Variants in NIN observed in about 807,000 individuals in gnomAD.
NIN encodes glycogen synthase kinase 3 beta-interacting protein.
NIN carries 137 observed loss-of-function variants against 257.6 expected under a neutral mutation model. The ratio of observed to expected loss-of-function variants is 0.53; its 90% CI spans 0.46 to 0.61. The LOEUF is 0.61. Among genes scored for constraint, NIN ranks in the 20% least tolerant of loss-of-function variants. The probability of loss-of-function intolerance (pLI) is 0.00; values close to 1 mark genes in which losing one functional copy is unlikely to be tolerated. For missense variants in NIN, 2,439 were observed against 2,501.2 expected, an observed-to-expected ratio of 0.98 and a Z score of 0.53; for synonymous variants, 918 against 919.8, an observed-to-expected ratio of 1.00 and a Z score of 0.04.
At chr14:50,773,321 G>A (rs2042803106) in intron 7 of NIN, among the ~76,000 whole-genome samples, 2 of 152,114 alleles carry the variant, frequency 1.3e-5, no homozygotes, top group South Asian at 2.1e-4. Flanking sequence ...ATAATCTTAT[G>A]CAATTTAGCA....
chr14:50,740,891 T>C (rs1221252429), intron 25 of NIN, among the ~76,000 whole-genome samples: 1 of 152,226 alleles, frequency 6.6e-6, no homozygotes, highest in Non-Finnish European at 1.5e-5. Flanking sequence ...ATCTATAACA[T>C]TGTTCTTAAT....
intron 15 of NIN, among the ~76,000 whole-genome samples, chr14:50,763,072 CA>C (rs1444609012): frequency 6.6e-6 from 1 of 152,134 alleles, no homozygotes; most frequent in African/African-American, 2.4e-5. Flanking sequence ...CCTCCTTCCC[CA>C]ATCTGTTAAT....
intron 30 of NIN, chr14:50,723,959 C>T: frequency 3.0e-6 from 1 of 336,262 alleles, no homozygotes; most frequent in Non-Finnish European, 5.4e-6. Flanking sequence ...CCTAAATAGG[C>T]ATTATTTCTG....
chr14:50,737,652 T>G (rs891753885), intron 27 of NIN, among the ~76,000 whole-genome samples: 3 of 150,006 alleles, frequency 2.0e-5, no homozygotes, highest in African/African-American at 7.4e-5. Context: ...TGTTGTTTTT[T>G]TTTTTTTTTT....
At chr14:50,810,610 G>A (rs1210156578) in intron 3 of NIN, among the ~76,000 whole-genome samples, 1 of 152,114 alleles carries the variant, frequency 6.6e-6, no homozygotes, top group East Asian at 1.9e-4. Flanking sequence ...CAAAAATAAA[G>A]TATAATACTT....
At chr14:50,824,073 G>C (rs2142496494) in intron 2 of NIN, among the ~76,000 whole-genome samples, 1 of 152,200 alleles carries the variant, frequency 6.6e-6, no homozygotes, top group Non-Finnish European at 1.5e-5. Context: ...CAGTCCCCTG[G>C]GCTGTTATCT....
At chr14:50,782,563 C>A (rs2043177253) in intron 5 of NIN, among the ~76,000 whole-genome samples, 2 of 152,086 alleles carry the variant, frequency 1.3e-5, no homozygotes, top group African/African-American at 4.8e-5. Flanking sequence ...TAGACAAAGG[C>A]TGGAAGGAAA....
intron 27 of NIN, among the ~76,000 whole-genome samples, chr14:50,737,388 T>C (rs1007326663): frequency 2.7e-5 from 4 of 149,990 alleles, no homozygotes; most frequent in African/African-American, 9.8e-5. Flanking sequence ...GGCCAACATG[T>C]AGACTGCATC....
chr14:50,767,733 T>C (rs1039440370), intron 12 of NIN, among the ~76,000 whole-genome samples: 27 of 150,382 alleles, frequency 1.8e-4, no homozygotes, highest in South Asian at 6.3e-4. Flanking sequence ...GGGAGAATGG[T>C]GTGAACCCGG....
rs779410544 is a variant in NIN at position 50,763,814 on chromosome 14, G to A, written c.1774+12C>T. The A allele has an allele frequency of 2.1e-5, 34 of 1,612,338 alleles. No homozygotes were observed. The highest frequency in any genetic ancestry group is 1.7e-5 in the Admixed American group (1 of 59,934). On this transcript the variant is annotated intron_variant, in intron 15 of 30. Coordinates refer to ENST00000530997, the MANE Select transcript of NIN (RefSeq NM_020921.4). ...TAAAGGCTTTATCTACAGCCTGTCC[G>A]AATGTGTTTACCGTGTTCGGGCTCA...
chr14:50,757,922 G>A lies in NIN; in HGVS notation c.3108C>T (p.Cys1036=), dbSNP rs1216560470. ...TSPLSMLQSG[C]QVIGEEEVEG... ...CCACCTCCTCCTCTCCTATCACCTG[G>A]CAACCACTCTGAAGCATTGAGAGAG... Residue 1036 remains cysteine (C), a synonymous_variant, in exon 18 of 31, where the codon TGC becomes TGT. Transcript: ENST00000530997. 6.2e-7 allele frequency: 1 copy of A among 1,613,946 alleles called. No homozygotes were observed. The highest frequency in any genetic ancestry group is 8.5e-7 in the Non-Finnish European group (1 of 1,180,018).
intron 21 of NIN, among the ~76,000 whole-genome samples, chr14:50,752,083 G>T (rs1385203795): frequency 2.7e-5 from 4 of 150,602 alleles, no homozygotes; most frequent in Non-Finnish European, 5.9e-5. Flanking sequence ...CGGTTTTTGA[G>T]TTACAGTTAA....
At chr14:50,781,620 G>C (rs1193011580) in intron 5 of NIN, among the ~76,000 whole-genome samples, 1 of 152,216 alleles carries the variant, frequency 6.6e-6, no homozygotes, top group Non-Finnish European at 1.5e-5. Context: ...GGAGGCCACT[G>C]CATAGACTTA....
At chr14:50,731,450 G>C (rs2040693160) in intron 28 of NIN, among the ~76,000 whole-genome samples, 1 of 147,598 alleles carries the variant, frequency 6.8e-6, no homozygotes, top group African/African-American at 2.5e-5. Flanking sequence ...AGAATTGCTT[G>C]AACCTGGGAG....
chr14:50,811,597 C>G (rs2044616418), intron 3 of NIN, among the ~76,000 whole-genome samples: 1 of 113,072 alleles, frequency 8.8e-6, no homozygotes, highest in Admixed American at 1.1e-4. Context: ...GGCAAAAGAT[C>G]CAGGTATTAA....
chr14:50,768,232 G>C (rs551568601), intron 12 of NIN, among the ~76,000 whole-genome samples: 39 of 151,666 alleles, frequency 2.6e-4, no homozygotes, highest in Non-Finnish European at 4.9e-4. Flanking sequence ...CCCTCATACA[G>C]CAATATAAGT....
chr14:50,736,115 T>C (rs1227299415), intron 27 of NIN, among the ~76,000 whole-genome samples: 2 of 152,242 alleles, frequency 1.3e-5, no homozygotes, highest in East Asian at 3.9e-4. Flanking sequence ...ATATAACTTT[T>C]TAATTTTAAA....
intron 22 of NIN, among the ~76,000 whole-genome samples, 189 bp downstream of exon 22, chr14:50,747,803 G>C (rs2041616902): frequency 6.6e-6 from 1 of 151,916 alleles, no homozygotes; most frequent in Admixed American, 6.6e-5. Context: ...TGTATAATTA[G>C]CAATAGCCTT....
At chr14:50,769,997 T>C (rs1174148890) in intron 12 of NIN, among the ~76,000 whole-genome samples, 2 of 149,822 alleles carry the variant, frequency 1.3e-5, no homozygotes, top group African/African-American at 2.5e-5. Context: ...CAGGCATCCA[T>C]GTAGCAGGAG....
Sources: gnomAD v4.1 joint callset for allele counts (sites outside exome capture counted in the v4.1 genomes callset) on GRCh38, gnomAD v4.1.1 for gene constraint, MANE v1.5 for transcripts, NCBI Gene and HGNC (gene_info 2026-07-23, HGNC 2026-07-21) for gene names.